The following ABCA13 variants were observed in gnomAD, a reference collection of about 807,000 sequenced individuals.
ABCA13 encodes ATP-binding cassette sub-family A member 13.
In ABCA13, 476 loss-of-function variants were observed where a neutral mutation model predicts 478.7. That is an observed-to-expected ratio of 0.99 (90% CI 0.92 to 1.07). The LOEUF is 1.07. Among genes scored for constraint, ABCA13 ranks in the 50% least tolerant of loss-of-function variants. ABCA13 has a pLI of 0.00. For synonymous variants in ABCA13, 2,252 were observed against 2,158.9 expected (o/e 1.04, Z -1.20); for missense variants, 6,060 against 5,910.6 (o/e 1.03, Z -0.83).
intron 7 of ABCA13, among the ~76,000 whole-genome samples, chr7:48,233,413 T>A (rs1003156847): frequency 2.0e-5 from 3 of 152,068 alleles, no homozygotes; most frequent in Non-Finnish European, 2.9e-5. Context: ...ACCTTGGGGG[T>A]CTTCGATTTA....
intron 20 of ABCA13, among the ~76,000 whole-genome samples, chr7:48,290,480 T>G (rs1192573224): frequency 6.6e-6 from 1 of 152,194 alleles, no homozygotes; most frequent in East Asian, 1.9e-4. Flanking sequence ...TAGATGCCTC[T>G]GCTTACCTGG....
chr7:48,298,740 A>G (rs1355946870), intron 23 of ABCA13, among the ~76,000 whole-genome samples: 1 of 152,260 alleles, frequency 6.6e-6, no homozygotes, highest in Non-Finnish European at 1.5e-5. Context: ...TGGAGTTAGA[A>G]CAAAGTTGGT....
At chr7:48,622,356 AT>A (rs1323522896) in intron 59 of ABCA13, among the ~76,000 whole-genome samples, 1 of 152,058 alleles carries the variant, frequency 6.6e-6, no homozygotes, top group Admixed American at 6.6e-5. Context: ...CACCTGTGCC[AT>A]TTTCCTCTTG....
chr7:48,410,364 G>A (rs1211483270), intron 39 of ABCA13, among the ~76,000 whole-genome samples, 156 bp from the exon 40 acceptor site: 2 of 152,086 alleles, frequency 1.3e-5, no homozygotes, highest in Non-Finnish European at 2.9e-5. Flanking sequence ...GCCTCGAATT[G>A]GCAAAGTGGC....
chr7:48,352,048 G>A, intron 30 of ABCA13, 133 bp from the exon 31 acceptor site: 1 of 841,842 alleles, frequency 1.2e-6, no homozygotes, highest in Non-Finnish European at 1.8e-6. Flanking sequence ...GCGGGCTGGG[G>A]CTCTGAGTCT....
intron 8 of ABCA13, among the ~76,000 whole-genome samples, chr7:48,238,986 T>A (rs1164979819): frequency 6.6e-6 from 1 of 152,218 alleles, no homozygotes; most frequent in Non-Finnish European, 1.5e-5. Context: ...GAAACAAGAT[T>A]TGATGTCATC....
In ABCA13 at chr7:48,202,730, T is replaced by C. The variant is rs555239268; in HGVS notation, c.287+4370T>C. On this transcript the variant is annotated intron_variant, in intron 3 of 61. Transcript: ENST00000435803. ...CCCTGAGCTAGACACAGGGTGCTGA[T>C]TGGTGTATTTACAAACCTTGAGCTA... is the stretch of plus-strand genomic sequence containing the variant. Among the ~76,000 whole-genome samples the C allele has an allele frequency of 2.6e-5, 4 of 152,020 alleles. 1 individual carries two copies. The highest frequency in any genetic ancestry group is 4.2e-4 in the South Asian group (2 of 4,808).
chr7:48,597,563 A>G (rs1790431950), intron 58 of ABCA13, among the ~76,000 whole-genome samples: 1 of 152,168 alleles, frequency 6.6e-6, no homozygotes, highest in South Asian at 2.1e-4. Flanking sequence ...CCTTATCAGT[A>G]TATGTTCCCA....
Position 48,596,801 on chromosome 7 carries a change from A to G in ABCA13, c.14744+1988A>G, listed in dbSNP as rs1242628295. On this transcript the variant is annotated intron_variant, in intron 58 of 61. Transcript: ENST00000435803. ...CGTCAGAGCAAGACTCCGTCTCAAA[A>G]ACAACAACCACAACAAAAAAATTAG... Among the ~76,000 whole-genome samples, 3 of 151,788 alleles carry G rather than the reference A, an allele frequency of 2.0e-5. No individual in the cohort carries two copies. In the East Asian group the frequency reaches 5.9e-4, roughly 30 times the overall value.
chr7:48,240,674 G>T (rs551169253), intron 9 of ABCA13, among the ~76,000 whole-genome samples, 193 bp from the exon 10 acceptor site: 1 of 152,208 alleles, frequency 6.6e-6, no homozygotes, highest in African/African-American at 2.4e-5. Flanking sequence ...TGCATCCATT[G>T]TTGCAACATG....
intron 20 of ABCA13, among the ~76,000 whole-genome samples, chr7:48,291,643 G>T (rs1478302466): frequency 1.3e-5 from 2 of 152,096 alleles, no homozygotes; most frequent in Admixed American, 6.5e-5. Flanking sequence ...AGCTCCCCCT[G>T]TGGTTGCACA....
At chr7:48,447,675 G>A (rs1318583621) in intron 42 of ABCA13, among the ~76,000 whole-genome samples, 1 of 152,148 alleles carries the variant, frequency 6.6e-6, no homozygotes, top group Non-Finnish European at 1.5e-5. Context: ...AGAGAGAGAA[G>A]CCTCACCTCA....
intron 38 of ABCA13, among the ~76,000 whole-genome samples, chr7:48,401,481 G>A (rs1301897918): frequency 6.6e-6 from 1 of 152,114 alleles, no homozygotes; most frequent in African/African-American, 2.4e-5. Flanking sequence ...TACTTCATCT[G>A]TAACATTTAT....
At chr7:48,358,222 A>AAGGGG (rs571633476) in intron 31 of ABCA13, among the ~76,000 whole-genome samples, 9 of 34,334 alleles carry the variant, frequency 2.6e-4, no homozygotes, top group African/African-American at 4.9e-4. Context: ...AAAGGAAAGG[A>AAGGGG]AGGGGAGGGG....
chr7:48,524,202 G>T, intron 53 of ABCA13, 46 bp from the exon 54 acceptor site: 1 of 1,551,410 alleles, frequency 6.4e-7, no homozygotes, highest in South Asian at 1.2e-5. Flanking sequence ...AGACTATTCT[G>T]GTATCATTTG....
chr7:48,334,431 T>C (rs986605182), intron 27 of ABCA13, among the ~76,000 whole-genome samples: 1 of 151,552 alleles, frequency 6.6e-6, no homozygotes, highest in Admixed American at 6.6e-5. Context: ...ACCTCCCGGG[T>C]TCATGCCATT....
At chr7:48,467,182 C>A in intron 44 of ABCA13, 137 bp downstream of exon 44, 1 of 837,424 alleles carries the variant, frequency 1.2e-6, no homozygotes, top group South Asian at 1.4e-5. Flanking sequence ...AGCCTAATGA[C>A]TAGGTTATTA....
chr7:48,277,900 C>T (rs775317463), intron 17 of ABCA13, among the ~76,000 whole-genome samples, 194 bp from the exon 18 acceptor site: 5 of 152,074 alleles, frequency 3.3e-5, no homozygotes, highest in Non-Finnish European at 5.9e-5. Flanking sequence ...ATTCCTCACT[C>T]TTTTCATTAT....
intron 31 of ABCA13, among the ~76,000 whole-genome samples, chr7:48,359,005 A>C (rs1810393101): frequency 6.6e-6 from 1 of 151,928 alleles, no homozygotes; most frequent in Admixed American, 6.5e-5. Context: ...AAAAAACTGC[A>C]TTTGGGTGCC....
Sources: gnomAD v4.1 joint callset for allele counts (sites outside exome capture counted in the v4.1 genomes callset) on GRCh38, gnomAD v4.1.1 for gene constraint, MANE v1.5 for transcripts, NCBI Gene and HGNC (gene_info 2026-07-23, HGNC 2026-07-21) for gene names.